Variants in ADAM23 observed in about 807,000 individuals in gnomAD.
The protein encoded by ADAM23 is ADAM metallopeptidase domain 23.
A neutral mutation model predicts 120.1 loss-of-function variants in ADAM23; 33 were observed. That is an observed-to-expected ratio of 0.27 (90% CI 0.21 to 0.37). ADAM23 has a LOEUF of 0.37. Among genes scored for constraint, ADAM23 ranks in the 10% least tolerant of loss-of-function variants. The pLI is 1.00. For missense variants in ADAM23, 862 were observed against 1,058.2 expected, an observed-to-expected ratio of 0.81 and a Z score of 2.57; for synonymous variants, 367 against 375.2, an observed-to-expected ratio of 0.98 and a Z score of 0.25.
intron 2 of ADAM23, among the ~76,000 whole-genome samples, chr2:206,447,504 T>C (rs1449554870): frequency 6.6e-6 from 1 of 152,174 alleles, no homozygotes; most frequent in Non-Finnish European, 1.5e-5. Context: ...ACAGTGTTGT[T>C]GTTTGGTGGG....
chr2:206,461,063 CTTTTTTT>C (rs565925215), intron 2 of ADAM23, among the ~76,000 whole-genome samples: 1 of 137,080 alleles, frequency 7.3e-6, no homozygotes, highest in Non-Finnish European at 1.6e-5. Flanking sequence ...TTTTCTTCTT[CTTTTTTT>C]TTTTTTTTTT....
chr2:206,499,624 A>G (rs1023687644), intron 3 of ADAM23, among the ~76,000 whole-genome samples: 2 of 152,116 alleles, frequency 1.3e-5, no homozygotes, highest in East Asian at 1.9e-4. Context: ...ATGTACCCTA[A>G]AACTTAAAGT....
chr2:206,528,610 G>A (rs1179230092), intron 3 of ADAM23, among the ~76,000 whole-genome samples: 1 of 152,074 alleles, frequency 6.6e-6, no homozygotes, highest in East Asian at 1.9e-4. Flanking sequence ...CCTCTTCACT[G>A]GATTATTTTT....
chr2:206,487,563 C>T (rs767941545), intron 3 of ADAM23, among the ~76,000 whole-genome samples: 1 of 152,166 alleles, frequency 6.6e-6, no homozygotes, highest in East Asian at 1.9e-4. Flanking sequence ...GAACATGACA[C>T]GACTTGCAGG....
At position 206,561,512 on chromosome 2, in the gene ADAM23, CT is replaced by C. The variant is rs199708395; in HGVS notation, c.1254+309del. Among the ~76,000 whole-genome samples the C allele has an allele frequency of 6.7e-4, 102 of 151,276 alleles. No homozygotes were observed. In the Middle Eastern group the frequency reaches 0.014, roughly 21 times the overall value. On this transcript the variant is annotated intron_variant, in intron 12 of 25. Coordinates refer to ENST00000264377, the MANE Select transcript of ADAM23 (RefSeq NM_003812.4). ...TATAAGCTTATTAATCCTTCTCTGACTTTTTTTTTGTTATAATGCTCCTCTG... is the reference window on the plus strand; with the variant it reads ...TATAAGCTTATTAATCCTTCTCTGACTTTTTTTTGTTATAATGCTCCTCTG...
chr2:206,584,764 G>A lies in ADAM23; in HGVS notation c.1738-2561G>A, dbSNP rs375445216. 2.6e-5 allele frequency among the ~76,000 whole-genome samples: 4 copies of A among 152,216 alleles called. No individual in the cohort carries two copies. The South Asian group carries it at 8.3e-4, about 32-fold the overall frequency. ...CCAAGTTATGGCCAGGAGGCTTCTC[G>A]CCCAGTTCAAATTGTTAAAAAGTTC... On this transcript the variant is annotated intron_variant, in intron 18 of 25. Transcript: ENST00000264377.
chr2:206,500,189 A>C (rs1696358260), intron 3 of ADAM23, among the ~76,000 whole-genome samples: 1 of 152,048 alleles, frequency 6.6e-6, no homozygotes, highest in Non-Finnish European at 1.5e-5. Flanking sequence ...ATCAGTGTAG[A>C]TGATCTCGTA....
intron 2 of ADAM23, among the ~76,000 whole-genome samples, chr2:206,475,175 A>G (rs1250443687): frequency 6.6e-6 from 1 of 152,236 alleles, no homozygotes; most frequent in Non-Finnish European, 1.5e-5. Context: ...CTAGATAGAC[A>G]TGACAGTACT....
At chr2:206,557,724 T>C (rs1697674792) in intron 10 of ADAM23, among the ~76,000 whole-genome samples, 2 of 152,194 alleles carry the variant, frequency 1.3e-5, no homozygotes, top group Admixed American at 1.3e-4. Flanking sequence ...TGCTTCTAAG[T>C]TGCGTCTATA....
intron 3 of ADAM23, among the ~76,000 whole-genome samples, chr2:206,498,443 C>A (rs923566673): frequency 6.6e-6 from 1 of 151,686 alleles, no homozygotes; most frequent in Non-Finnish European, 1.5e-5. Context: ...AAACTGGCTA[C>A]CCATATGTAG....
chr2:206,546,151 T>G (rs1697392149), intron 6 of ADAM23, among the ~76,000 whole-genome samples: 2 of 152,216 alleles, frequency 1.3e-5, no homozygotes, highest in African/African-American at 4.8e-5. Flanking sequence ...CTCTTTGCCT[T>G]CCTTCCTGTT....
intron 3 of ADAM23, among the ~76,000 whole-genome samples, chr2:206,520,463 T>G (rs1696819898): frequency 6.6e-6 from 1 of 152,248 alleles, no homozygotes; most frequent in East Asian, 1.9e-4. Context: ...GTGAAAGAAT[T>G]TAAAGAAATG....
intron 25 of ADAM23, among the ~76,000 whole-genome samples, chr2:206,614,042 C>T (rs1414469727): frequency 6.6e-6 from 1 of 152,196 alleles, no homozygotes; most frequent in African/African-American, 2.4e-5. Context: ...GTCTGTAGAA[C>T]CTCATCACCA....
At chr2:206,507,100 G>A (rs1241210833) in intron 3 of ADAM23, among the ~76,000 whole-genome samples, 4 of 152,100 alleles carry the variant, frequency 2.6e-5, no homozygotes, top group Admixed American at 1.3e-4. Context: ...AGATATAAAT[G>A]CAGGGCTATT....
chr2:206,560,231 G>T (rs866980304), intron 11 of ADAM23, 113 bp downstream of exon 11: 3 of 1,150,138 alleles, frequency 2.6e-6, no homozygotes, highest in African/African-American at 1.5e-5. Flanking sequence ...CAAGATTTCT[G>T]TGGGTTCCTT....
At chr2:206,519,671 T>C (rs1574510130) in intron 3 of ADAM23, among the ~76,000 whole-genome samples, 1 of 152,328 alleles carries the variant, frequency 6.6e-6, no homozygotes, top group African/African-American at 2.4e-5. Context: ...TGTAGAAGTA[T>C]GTTTCTAATT....
intron 3 of ADAM23, among the ~76,000 whole-genome samples, chr2:206,525,052 C>A (rs943504159): frequency 6.6e-6 from 1 of 152,118 alleles, no homozygotes; most frequent in Non-Finnish European, 1.5e-5. Flanking sequence ...CAGGATAGCC[C>A]TTCCTGGTTT....
chr2:206,529,809 G>GTA (rs1296380678), intron 3 of ADAM23, among the ~76,000 whole-genome samples: 2 of 147,322 alleles, frequency 1.4e-5, no homozygotes, highest in African/African-American at 2.5e-5. Context: ...GTGTGTGTGT[G>GTA]TATATATACA....
intron 2 of ADAM23, among the ~76,000 whole-genome samples, chr2:206,465,601 T>G (rs952720881): frequency 3.9e-5 from 6 of 152,218 alleles, no homozygotes; most frequent in Non-Finnish European, 7.4e-5. Flanking sequence ...TTATGGCTAA[T>G]TAAATATTGC....
Sources: gnomAD v4.1 joint callset for allele counts (sites outside exome capture counted in the v4.1 genomes callset) on GRCh38, gnomAD v4.1.1 for gene constraint, MANE v1.5 for transcripts, NCBI Gene and HGNC (gene_info 2026-07-23, HGNC 2026-07-21) for gene names.